WASF3: variants seen among roughly 807,000 people sequenced by gnomAD.
WASF3 encodes actin-binding protein WASF3.
Under a neutral mutation model 46.6 loss-of-function variants are expected in WASF3, and 11 were observed. The observed-to-expected ratio is 0.24, with a 90% CI of 0.15 to 0.39. WASF3 has a LOEUF of 0.39. Among genes scored for constraint, WASF3 ranks in the 10% least tolerant of loss-of-function variants. The pLI is 1.00. For missense variants in WASF3, 576 were observed against 669.8 expected (o/e 0.86, Z 1.55); for synonymous variants, 242 against 259.7 (o/e 0.93, Z 0.65).
At chr13:26,685,592 A>G (rs1186068126) in intron 9 of WASF3, 96 bp from the exon 10 acceptor site, 1 of 1,442,776 alleles carries the variant, frequency 6.9e-7, no homozygotes, top group Non-Finnish European at 9.5e-7. Flanking sequence ...CCTTAGTGTC[A>G]GTAGAAAAAA....
intron 1 of WASF3, among the ~76,000 whole-genome samples, chr13:26,581,356 C>T (rs1157359469): frequency 6.6e-6 from 1 of 151,968 alleles, no homozygotes; most frequent in East Asian, 1.9e-4. Flanking sequence ...TCTGACTATC[C>T]TCAGAAGATT....
At chr13:26,618,496 GC>G (rs59122008) in intron 2 of WASF3, among the ~76,000 whole-genome samples, 1 of 66,384 alleles carries the variant, frequency 1.5e-5, no homozygotes, top group Non-Finnish European at 3.2e-5. Flanking sequence ...CCCCACCTCC[GC>G]CCCCCCGTCT....
At chr13:26,562,031 TA>T (rs1879310446) in intron 1 of WASF3, among the ~76,000 whole-genome samples, 1 of 152,244 alleles carries the variant, frequency 6.6e-6, no homozygotes, top group African/African-American at 2.4e-5. Flanking sequence ...ATTAAGTACT[TA>T]CGTTTTTAAC....
intron 1 of WASF3, among the ~76,000 whole-genome samples, chr13:26,559,505 G>C (rs1192480092): frequency 6.6e-6 from 1 of 152,216 alleles, no homozygotes; most frequent in African/African-American, 2.4e-5. Flanking sequence ...AAGTGGTCAT[G>C]CCAACATTGT....
intron 3 of WASF3, among the ~76,000 whole-genome samples, chr13:26,646,489 A>C (rs1593167999): frequency 6.6e-6 from 1 of 152,124 alleles, no homozygotes; most frequent in South Asian, 2.1e-4. Context: ...AGAATGGATC[A>C]TCTTAATCCT....
chr13:26,642,252 A>G lies in WASF3; in HGVS notation c.-10-9A>G. 4 of 1,523,096 alleles carry G rather than the reference A, an allele frequency of 2.6e-6. No individual in the cohort carries two copies. The highest frequency in any genetic ancestry group is 3.5e-6 in the Non-Finnish European group (4 of 1,139,184). The allele number at this position is 1,523,096 out of a possible 1,614,324, so 94.3% of individuals were successfully genotyped here. ...ATGAGCTTATAAAGAATGTGTTTTC[A>G]ATTTTCAGATTGTGAACCATGCCTT... is the stretch of plus-strand genomic sequence containing the variant. On this transcript the variant is annotated splice_polypyrimidine_tract_variant and intron_variant, in intron 2 of 9. Transcript: ENST00000335327.
At position 26,667,548 on chromosome 13, in the gene WASF3, T is replaced by A. The variant is rs1882809356; in HGVS notation, c.300T>A (p.Ala100=). The change falls in exon 5 of 10, where the codon GCT becomes GCA. Residue 100 remains alanine (A), a synonymous_variant. Coordinates refer to ENST00000335327, the MANE Select transcript of WASF3 (RefSeq NM_006646.6). ...TACAGGATATCAACATGAAAAAAGC[T>A]TTCAAAAGTTCCACAGTCCAAGACC... The part of the protein sequence containing the change: ...VSLQDINMKK[A]FKSSTVQDQQ... 6.2e-7 allele frequency: 1 copy of A among 1,614,002 alleles called. No homozygotes were observed. The highest frequency in any genetic ancestry group is 1.3e-5 in the African/African-American group (1 of 74,916).
intron 3 of WASF3, among the ~76,000 whole-genome samples, chr13:26,656,820 T>C (rs1334984555): frequency 6.6e-6 from 1 of 152,104 alleles, no homozygotes; most frequent in African/African-American, 2.4e-5. Context: ...TTCCTTGTAA[T>C]AGTCCCATTA....
chr13:26,685,625 C>T (rs531419233), intron 9 of WASF3, 63 bp from the exon 10 acceptor site: 22 of 1,582,826 alleles, frequency 1.4e-5, no homozygotes, highest in East Asian at 4.5e-5. Context: ...CATATTTGTT[C>T]GTTTATCTTT....
At chr13:26,565,034 A>G (rs898035593) in intron 1 of WASF3, among the ~76,000 whole-genome samples, 1 of 149,904 alleles carries the variant, frequency 6.7e-6, no homozygotes, top group Non-Finnish European at 1.5e-5. Flanking sequence ...GTTAGAATTA[A>G]TGTTTGGTAG....
At chr13:26,554,096 C>CTTTTTCTTTCT (rs1555245931), upstream of WASF3, among the ~76,000 whole-genome samples, 1 of 7,372 alleles carries the variant, frequency 1.4e-4, no homozygotes, top group East Asian at 5.6e-3. Flanking sequence ...TCCTTCCTTC[C>CTTTTTCTTTCT]TTCTTTCTTT....
chr13:26,570,787 G>C (rs1245903094), intron 1 of WASF3, among the ~76,000 whole-genome samples: 1 of 152,138 alleles, frequency 6.6e-6, no homozygotes, highest in African/African-American at 2.4e-5. Context: ...TTTTTATATT[G>C]CAGGAGGTTT....
chr13:26,553,520 T>C (rs1396481348), upstream of WASF3, among the ~76,000 whole-genome samples: 3 of 151,830 alleles, frequency 2.0e-5, no homozygotes, highest in Non-Finnish European at 1.5e-5. Flanking sequence ...GTGGTTCAGC[T>C]AAAAAATAAT....
intron 1 of WASF3, among the ~76,000 whole-genome samples, chr13:26,571,595 C>G (rs751763016): frequency 6.6e-6 from 1 of 152,162 alleles, no homozygotes; most frequent in Non-Finnish European, 1.5e-5. Flanking sequence ...TTCTGTTGTT[C>G]TGTCTGTTCA....
In WASF3 at chr13:26,572,951, T is replaced by C. The variant is rs74943230; in HGVS notation, c.-109+15132T>C. 5.6e-3 allele frequency among the ~76,000 whole-genome samples: 860 copies of C among 152,364 alleles called. 11 individuals are homozygous for C. Among genetic ancestry groups the C allele is most frequent in the African/African-American group, 0.02 (820 of 41,578 alleles). The stretch of plus-strand genomic sequence containing the variant: ...TGATATTGGTTTGTAATGTTCCTAT[T>C]TTGTGTGATCACAGTCAGGTTCAGT... On this transcript the variant is annotated intron_variant, in intron 1 of 9. Transcript: ENST00000335327.
intron 1 of WASF3, among the ~76,000 whole-genome samples, chr13:26,598,703 C>G (rs1880551215): frequency 6.6e-6 from 1 of 152,164 alleles, no homozygotes; most frequent in Non-Finnish European, 1.5e-5. Flanking sequence ...TTGGAGATCT[C>G]TTTATGCTTC....
intron 3 of WASF3, among the ~76,000 whole-genome samples, chr13:26,644,491 A>T (rs1409866099): frequency 1.3e-5 from 2 of 152,132 alleles, no homozygotes; most frequent in Non-Finnish European, 2.9e-5. Context: ...GTGCATCTCA[A>T]CCTGGCTTCT....
At chr13:26,625,445 G>C (rs563894178) in intron 2 of WASF3, among the ~76,000 whole-genome samples, 43 of 152,318 alleles carry the variant, frequency 2.8e-4, no homozygotes, top group Admixed American at 6.5e-4. Flanking sequence ...GGATTGGGAA[G>C]GTGGTGCAGG....
intron 1 of WASF3, among the ~76,000 whole-genome samples, chr13:26,580,570 C>A (rs1879946501): frequency 6.7e-6 from 1 of 150,232 alleles, no homozygotes; most frequent in Non-Finnish European, 1.5e-5. Flanking sequence ...ATTTTGGGGG[C>A]TGCCTAATTC....
Sources: allele counts gnomAD v4.1 joint callset (sites outside exome capture counted in the v4.1 genomes callset), GRCh38; gene constraint gnomAD v4.1.1; transcripts MANE v1.5; gene names NCBI Gene and HGNC (gene_info 2026-07-23, HGNC 2026-07-21).